Variants in NAE1 observed in about 807,000 individuals in gnomAD.
The protein encoded by NAE1 is NEDD8 activating enzyme E1 subunit 1.
Under a neutral mutation model 88.0 loss-of-function variants are expected in NAE1, and 59 were observed. The ratio of observed to expected loss-of-function variants is 0.67; its 90% CI spans 0.54 to 0.83. NAE1 has a LOEUF of 0.83. Ranked by LOEUF, NAE1 falls within the 40% of genes least tolerant of loss-of-function variation. The pLI is 0.00. For synonymous variants in NAE1, 186 were observed against 208.9 expected (o/e 0.89, Z 0.95); for missense variants, 554 against 632.8 (o/e 0.88, Z 1.34).
chr16:66,808,774 C>A (rs363168), intron 16 of NAE1, 161 bp from the exon 17 acceptor site: 7,975 of 643,912 alleles, frequency 0.012, 144 homozygotes, highest in Admixed American at 0.06. Context: ...ACATATCACA[C>A]AATGGACTCA....
chr16:66,826,607 C>A (rs1597051311), intron 2 of NAE1, 24 bp from the exon 3 acceptor site: 1 of 1,614,060 alleles, frequency 6.2e-7, no homozygotes, highest in Non-Finnish European at 8.5e-7. Context: ...CAGAGTCAGT[C>A]AGGAATACAT....
At position 66,810,738 on chromosome 16, in the gene NAE1, C is replaced by G. The variant is rs768130596; in HGVS notation, c.1069G>C (p.Val357Leu). Residue 357 changes from valine (V) to leucine (L), a missense_variant, in exon 14 of 20, where the codon GTG becomes CTG. Coordinates refer to ENST00000290810, the MANE Select transcript of NAE1 (RefSeq NM_003905.4). ...REKAKKDAAA[V>L]GNHVAKLLQS... Reference sequence around the variant, plus strand: ...AGCAATTTGGCAACATGATTACCCACAGCGGCAGCATCTTTCTTTGCTTTT... The same window carrying G: ...AGCAATTTGGCAACATGATTACCCAGAGCGGCAGCATCTTTCTTTGCTTTT... 1 of 1,614,228 alleles carries G rather than the reference C, an allele frequency of 6.2e-7. No individual in the cohort carries two copies. The highest frequency in any genetic ancestry group is 8.5e-7 in the Non-Finnish European group (1 of 1,180,042).
chr16:66,813,792 T>C lies in NAE1; in HGVS notation c.895A>G (p.Lys299Glu). The change falls in exon 12 of 20, where the codon AAA (lysine) becomes GAA (glutamate). Residue 299 changes from lysine (K) to glutamate (E), a missense_variant. Coordinates refer to ENST00000290810, the MANE Select transcript of NAE1 (RefSeq NM_003905.4). ...TTTACTTTTGTTGTTGTTACCTGTT[T>C]GGTGATATTTATGCAGCGATCATCA... is the stretch of plus-strand genomic sequence containing the variant. ...FNDDRCINIT[K>E]QTPSFWILAR... 6.2e-7 allele frequency: 1 copy of C among 1,613,864 alleles called. No individual in the cohort carries two copies. Among genetic ancestry groups the C allele is most frequent in the Non-Finnish European group, 8.5e-7 (1 of 1,179,878 alleles).
intron 13 of NAE1, chr16:66,813,344 T>G (rs910690813): frequency 1.0e-5 from 5 of 496,352 alleles, no homozygotes; most frequent in African/African-American, 7.8e-5. Context: ...TCTCACTATG[T>G]TGCCCACGAT....
chr16:66,803,593 A>AT (rs56967750), intron 19 of NAE1, among the ~76,000 whole-genome samples: 130 of 144,538 alleles, frequency 9.0e-4, no homozygotes, highest in Middle Eastern at 3.6e-3. Flanking sequence ...ACTGGATAGA[A>AT]TTTTTTTTTT....
intron 19 of NAE1, chr16:66,805,569 T>C (rs1173195575): frequency 1.5e-5 from 6 of 400,870 alleles, no homozygotes; most frequent in Non-Finnish European, 2.6e-5. Context: ...GCCCAGGAGT[T>C]TGAGGTTGCA....
intron 17 of NAE1, among the ~76,000 whole-genome samples, chr16:66,807,634 C>T (rs467082): frequency 0.29 from 41,079 of 144,052 alleles, 6,860 homozygotes; most frequent in East Asian, 0.6. Flanking sequence ...AGCGAGACTC[C>T]GTCTCAAAAG....
rs565029860 is a variant in NAE1, at chr16:66,805,756, C to T, written c.1495+21G>A. 4 of 1,443,812 alleles carry T rather than the reference C, an allele frequency of 2.8e-6. No individual in the cohort carries two copies. In the South Asian group the frequency reaches 6.9e-5, roughly 25 times the overall value. The allele number at this position is 1,443,812 out of a possible 1,614,324, so 89.4% of individuals were successfully genotyped here. On this transcript the variant is annotated intron_variant, in intron 19 of 19. Transcript: ENST00000290810. ...CTGTACTATGTAACAACAGGTGAGTCTTCTCATATATGGAACTCACCCCCC... is the reference window on the plus strand; with the variant it reads ...CTGTACTATGTAACAACAGGTGAGTTTTCTCATATATGGAACTCACCCCCC...
rs919846291 is a variant in NAE1 at position 66,817,257 on chromosome 16, T to A, written c.684+168A>T. The A allele has an allele frequency of 3.4e-6, 3 of 887,080 alleles. No individual in the cohort carries two copies. The South Asian group carries it at 4.9e-5, about 15-fold the overall frequency. 55.0% of individuals were successfully genotyped at this position (887,080 alleles called of 1,614,324 possible). On this transcript the variant is annotated intron_variant, in intron 9 of 19. Coordinates refer to ENST00000290810, the MANE Select transcript of NAE1 (RefSeq NM_003905.4). Reference sequence around the variant, plus strand: ...TTGAATTTCATTTTAATTAAAATTATCAGGATCAAAAGAGGAACTGCTAGA... The same window carrying A: ...TTGAATTTCATTTTAATTAAAATTAACAGGATCAAAAGAGGAACTGCTAGA...
chr16:66,816,476 A>G, intron 11 of NAE1, 105 bp downstream of exon 11: 2 of 888,984 alleles, frequency 2.2e-6, no homozygotes, highest in South Asian at 2.9e-5. Flanking sequence ...TTCTAACTAT[A>G]CATTTAGAAA....
Position 66,816,563 on chromosome 16 carries a change from CAGCAACTCTTTCATTACCT to C in NAE1, c.839_840+17del. 6.5e-7 allele frequency: 1 copy of C among 1,538,264 alleles called. No homozygotes were observed. The highest frequency in any genetic ancestry group is 9.0e-7 in the Non-Finnish European group (1 of 1,112,432). On this transcript the variant is annotated splice_donor_variant and splice_donor_5th_base_variant and coding_sequence_variant and intron_variant, in exon 11 of 20. Transcript: ENST00000290810. LOFTEE classifies it high-confidence loss of function. ...AAACATCTTGTTCATGTGAATCCCT[CAGCAACTCTTTCATTACCT>C]GAGTTGTATTTAGTGCTGTGTTCAC...
At chr16:66,824,334 T>C (rs375312369) in intron 4 of NAE1, among the ~76,000 whole-genome samples, 3 of 152,302 alleles carry the variant, frequency 2.0e-5, no homozygotes, top group African/African-American at 7.2e-5. Flanking sequence ...GGCTCATGCC[T>C]GTAATCTCAG....
In NAE1 at chr16:66,806,660, G is replaced by A. The variant is rs748139413; in HGVS notation, c.1331-634C>T. Among the ~76,000 whole-genome samples, 16 of 152,166 alleles carry A rather than the reference G, an allele frequency of 1.1e-4. No individual in the cohort carries two copies. The South Asian group carries it at 1.7e-3, about 16-fold the overall frequency. On this transcript the variant is annotated intron_variant, in intron 17 of 19. Transcript: ENST00000290810. ...ACTCCTGGCCTCAAGTGATCCACCC[G>A]CCTTGGCCTCCCAAAGTGCTGGGAT...
At chr16:66,805,885 C>T in intron 18 of NAE1, 27 bp downstream of exon 18, 2 of 1,597,190 alleles carry the variant, frequency 1.3e-6, no homozygotes, top group South Asian at 2.3e-5. Flanking sequence ...GTGGAATCAT[C>T]TCCTAGATAC....
chr16:66,805,697 AG>A lies in NAE1; in HGVS notation c.1495+79del, dbSNP rs1465378239. ...CTTCACTGACCTCCCTAATTAAAAT[AG>A]CTAGACGACAAAACTTTGTATTAAA... On this transcript the variant is annotated intron_variant, in intron 19 of 19. Transcript: ENST00000290810. The A allele has an allele frequency of 6.7e-6, 8 of 1,188,028 alleles. No individual in the cohort carries two copies. The East Asian group carries it at 1.4e-4, about 21-fold the overall frequency. 73.6% of individuals were successfully genotyped at this position (1,188,028 alleles called of 1,614,324 possible).
In NAE1 at chr16:66,806,034, TAA is replaced by T. The variant is rs774263124; in HGVS notation, c.1331-10_1331-9del. On this transcript the variant is annotated splice_polypyrimidine_tract_variant and intron_variant, in intron 17 of 19. Coordinates refer to ENST00000290810, the MANE Select transcript of NAE1 (RefSeq NM_003905.4). ...CTTGATAGTTAGATACTCCTAAAAA[TAA>T]AAGTTAGTTTTCATTAAAATAAATG... 9 of 1,596,214 alleles carry T rather than the reference TAA, an allele frequency of 5.6e-6. No homozygotes were observed. The highest frequency in any genetic ancestry group is 7.7e-6 in the Non-Finnish European group (9 of 1,174,754).
At chr16:66,808,763 T>A (rs1448520903) in intron 16 of NAE1, 150 bp from the exon 17 acceptor site, 1 of 676,658 alleles carries the variant, frequency 1.5e-6, no homozygotes, top group East Asian at 2.8e-5. Flanking sequence ...CTTTAACTCA[T>A]ACATATCACA....
chr16:66,823,090 A>C (rs1331701433), intron 6 of NAE1, 137 bp downstream of exon 6: 3 of 458,044 alleles, frequency 6.5e-6, no homozygotes, highest in Non-Finnish European at 1.1e-5. Context: ...AAAAAAAAAA[A>C]AAAAAAAGTT....
At chr16:66,819,899 ACTCT>A (rs1237356202) in intron 7 of NAE1, among the ~76,000 whole-genome samples, 15 of 152,080 alleles carry the variant, frequency 9.9e-5, no homozygotes, top group African/African-American at 3.6e-4. Context: ...AAAAGAACAC[ACTCT>A]CTCTTACTTA....
Sources: gnomAD v4.1 joint callset for allele counts (sites outside exome capture counted in the v4.1 genomes callset) on GRCh38, gnomAD v4.1.1 for gene constraint, MANE v1.5 for transcripts, NCBI Gene and HGNC (gene_info 2026-07-23, HGNC 2026-07-21) for gene names.